The following SYT16 variants were observed in gnomAD, a reference collection of about 807,000 sequenced individuals.
The protein encoded by SYT16 is synaptotagmin 16.
SYT16 carries 42 observed loss-of-function variants against 61.4 expected under a neutral mutation model. The observed-to-expected ratio is 0.68, with a 90% CI of 0.53 to 0.89. SYT16 has a LOEUF of 0.89. Ranked by LOEUF, SYT16 falls within the 40% of genes least tolerant of loss-of-function variation. SYT16 has a pLI of 0.00. For missense variants in SYT16, 804 were observed against 807.3 expected, an observed-to-expected ratio of 1.00 and a Z score of 0.05; for synonymous variants, 314 against 302.3, an observed-to-expected ratio of 1.04 and a Z score of -0.40.
intron 3 of SYT16, among the ~76,000 whole-genome samples, chr14:62,057,142 C>G (rs567733505): frequency 2.6e-4 from 39 of 152,282 alleles, no homozygotes; most frequent in Admixed American, 2.0e-3. Context: ...GGTTCCCACC[C>G]AGATTGAGGG....
intron 1 of SYT16, among the ~76,000 whole-genome samples, chr14:61,830,501 T>C (rs1594710326): frequency 6.6e-6 from 1 of 152,222 alleles, no homozygotes; most frequent in African/African-American, 2.4e-5. Context: ...CTGTATGATA[T>C]TTCTCACCGT....
rs1156476006 is a variant in SYT16 at position 61,878,451 on chromosome 14, C to T, written c.-325+65641C>T. On this transcript the variant is annotated intron_variant, in intron 1 of 7. Coordinates refer to ENST00000683842, the MANE Select transcript of SYT16 (RefSeq NM_001367656.1). ...GGGCAGCTTTAATTTTCATGACTCTCAAATGCAGGGACATGACTGAAGCAC... is the reference window on the plus strand; with the variant it reads ...GGGCAGCTTTAATTTTCATGACTCTTAAATGCAGGGACATGACTGAAGCAC... Among the ~76,000 whole-genome samples the T allele has an allele frequency of 2.6e-5, 4 of 152,148 alleles. No homozygotes were observed. The East Asian group carries it at 7.7e-4, about 29-fold the overall frequency.
chr14:61,930,594 C>T (rs2049725582), intron 1 of SYT16, among the ~76,000 whole-genome samples: 1 of 152,008 alleles, frequency 6.6e-6, no homozygotes, highest in Admixed American at 6.6e-5. Flanking sequence ...TGCCCCACAT[C>T]CCCTCAAGAT....
intron 1 of SYT16, among the ~76,000 whole-genome samples, chr14:61,895,452 T>G (rs773423120): frequency 1.9e-4 from 29 of 152,234 alleles, no homozygotes; most frequent in Non-Finnish European, 3.8e-4. Context: ...ATCTTTTTCT[T>G]GTTCAAGCTG....
Position 61,961,404 on chromosome 14 carries a change from A to T in SYT16, c.-324-8728A>T, listed in dbSNP as rs546908391. On this transcript the variant is annotated intron_variant, in intron 1 of 7. Coordinates refer to ENST00000683842, the MANE Select transcript of SYT16 (RefSeq NM_001367656.1). ...GGTCTAATATTCAGAATCTATAAGA[A>T]ACTTAAAAAAACTTACAAGCAAAAA... is the stretch of plus-strand genomic sequence containing the variant. 1.8e-4 allele frequency among the ~76,000 whole-genome samples: 27 copies of T among 152,294 alleles called. No homozygotes were observed. The South Asian group carries it at 5.4e-3, about 30-fold the overall frequency.
chr14:61,838,397 C>T (rs2046198630), intron 1 of SYT16, among the ~76,000 whole-genome samples: 1 of 152,182 alleles, frequency 6.6e-6, no homozygotes, highest in African/African-American at 2.4e-5. Flanking sequence ...TGATCCCCAG[C>T]AACTAGGCTG....
In SYT16 at chr14:62,075,617, A is replaced by G. The variant is rs1231858849; in HGVS notation, c.993+226A>G. On this transcript the variant is annotated intron_variant, in intron 5 of 7. Coordinates refer to ENST00000683842, the MANE Select transcript of SYT16 (RefSeq NM_001367656.1). ...AAGGATGAACGGTAAAAAAAAAAAA[A>G]AAGAAAAAAAGAAAAAAAAATAAGA... 4.3e-3 allele frequency among the ~76,000 whole-genome samples: 490 copies of G among 114,044 alleles called. 7 individuals are homozygous for G. The highest frequency in any genetic ancestry group is 0.018 in the African/African-American group (439 of 23,898). 74.8% of individuals were successfully genotyped at this position (114,044 alleles called of 152,430 possible). A position where few individuals can be genotyped will look rare whatever the true frequency, so the allele number is the denominator to read the frequency against.
At chr14:61,973,807 A>G (rs1229688662) in intron 2 of SYT16, among the ~76,000 whole-genome samples, 1 of 152,162 alleles carries the variant, frequency 6.6e-6, no homozygotes, top group Admixed American at 6.5e-5. Flanking sequence ...GAAGGGAAGA[A>G]GAATGCCCTT....
rs532695479 is a variant in SYT16, at chr14:62,043,365, T to C, written c.524-26238T>C. Among the ~76,000 whole-genome samples, 14 of 152,078 alleles carry C rather than the reference T, an allele frequency of 9.2e-5. No homozygotes were observed. The East Asian group carries it at 2.7e-3, about 29-fold the overall frequency. On this transcript the variant is annotated intron_variant, in intron 3 of 7. Transcript: ENST00000683842. ...TTCTATTCCTAGTTTGTTAAGACTT[T>C]CTTTTTTAAAAAATCAGGAATGGAT...
Position 62,105,254 on chromosome 14 carries a change from C to T in SYT16, c.*4547C>T, listed in dbSNP as rs2057493814. On this transcript the variant is annotated 3_prime_UTR_variant, in exon 8 of 8. Transcript: ENST00000683842. The stretch of plus-strand genomic sequence containing the variant: ...CACAAACAAGGCCTCTCCTTGTCTC[C>T]AGTTCTCTTATTCATAAATGGACAA... The T allele has an allele frequency of 1.3e-5, 2 of 152,142 alleles. No homozygotes were observed. Among genetic ancestry groups the T allele is most frequent in the African/African-American group, 4.8e-5 (2 of 41,414 alleles). The allele number at this position is 152,142 out of a possible 1,614,324, so 9.4% of individuals were successfully genotyped here.
intron 1 of SYT16, among the ~76,000 whole-genome samples, chr14:61,916,650 A>G (rs763737293): frequency 2.8e-4 from 43 of 152,182 alleles, no homozygotes; most frequent in Non-Finnish European, 6.0e-4. Flanking sequence ...TGATAACTAT[A>G]GTCACCCTGC....
At chr14:61,900,928 G>T (rs1222342088) in intron 1 of SYT16, among the ~76,000 whole-genome samples, 1 of 152,236 alleles carries the variant, frequency 6.6e-6, no homozygotes. Flanking sequence ...AGGTGGACTG[G>T]ATGCCAGGTG....
intron 1 of SYT16, among the ~76,000 whole-genome samples, chr14:61,966,817 C>A (rs1433467381): frequency 1.3e-5 from 2 of 152,156 alleles, no homozygotes; most frequent in Non-Finnish European, 2.9e-5. Flanking sequence ...TTTGCTGACA[C>A]CCTTGAGGTA....
chr14:61,965,185 C>G (rs1040673286), intron 1 of SYT16, among the ~76,000 whole-genome samples: 2 of 152,132 alleles, frequency 1.3e-5, no homozygotes, highest in Non-Finnish European at 2.9e-5. Flanking sequence ...TTAAACATGT[C>G]TAAACAGGGC....
rs143074725 is a variant in SYT16, at chr14:62,082,179, G to A, written c.1434+905G>A. Reference sequence around the variant, plus strand: ...GTTCCAGACAGAGTGAACAGCACATGCAAGCAGTCAGGATGTGGGGTGGCC... The same window carrying A: ...GTTCCAGACAGAGTGAACAGCACATACAAGCAGTCAGGATGTGGGGTGGCC... On this transcript the variant is annotated intron_variant, in intron 6 of 7. Transcript: ENST00000683842. 2.1e-3 allele frequency among the ~76,000 whole-genome samples: 320 copies of A among 152,306 alleles called. 3 individuals carry two copies. The highest frequency in any genetic ancestry group is 7.4e-3 in the African/African-American group (309 of 41,566).
chr14:62,032,383 A>G (rs1172851310), intron 3 of SYT16, among the ~76,000 whole-genome samples: 2 of 152,122 alleles, frequency 1.3e-5, no homozygotes, highest in South Asian at 2.1e-4. Flanking sequence ...TACCATCCTA[A>G]AAGTCTGTTA....
At chr14:62,051,968 G>A (rs2055322870) in intron 3 of SYT16, among the ~76,000 whole-genome samples, 2 of 152,232 alleles carry the variant, frequency 1.3e-5, no homozygotes, top group African/African-American at 4.8e-5. Flanking sequence ...GGTGGTTGAG[G>A]CTGCAGTGAG....
At chr14:61,986,062 T>C (rs1318261532) in intron 2 of SYT16, among the ~76,000 whole-genome samples, 1 of 152,180 alleles carries the variant, frequency 6.6e-6, no homozygotes, top group South Asian at 2.1e-4. Context: ...ATTAAACATA[T>C]TTTTTGAGTT....
chr14:62,050,747 T>C (rs1349241125), intron 3 of SYT16, among the ~76,000 whole-genome samples: 1 of 152,184 alleles, frequency 6.6e-6, no homozygotes, highest in Non-Finnish European at 1.5e-5. Context: ...CGCCAGACCC[T>C]GTTTGCCTGG....
Sources: gnomAD v4.1 joint callset for allele counts (sites outside exome capture counted in the v4.1 genomes callset) on GRCh38, gnomAD v4.1.1 for gene constraint, MANE v1.5 for transcripts, NCBI Gene and HGNC (gene_info 2026-07-23, HGNC 2026-07-21) for gene names.